The following SCYL3 variants were observed in gnomAD, a reference collection of about 807,000 sequenced individuals.
SCYL3 encodes protein-associating with the carboxyl-terminal domain of ezrin.
In SCYL3, 35 loss-of-function variants were observed where a neutral mutation model predicts 73.8. The ratio of observed to expected loss-of-function variants is 0.47; its 90% CI spans 0.36 to 0.63. SCYL3 has a LOEUF of 0.63. SCYL3 is among the 20% of genes least tolerant of loss of function. SCYL3 has a pLI of 0.00. For synonymous variants in SCYL3, 277 were observed against 295.2 expected (o/e 0.94, Z 0.63); for missense variants, 712 against 798.9 (o/e 0.89, Z 1.31).
intron 3 of SCYL3, among the ~76,000 whole-genome samples, chr1:169,876,958 TAAAAAA>T (rs61051062): frequency 3.9e-5 from 3 of 76,394 alleles, no homozygotes; most frequent in Admixed American, 2.0e-4. Context: ...TTGTCTCAAA[TAAAAAA>T]AAAAAAAAAA....
chr1:169,866,590 A>G (rs1026165503), intron 8 of SCYL3, among the ~76,000 whole-genome samples: 1 of 152,136 alleles, frequency 6.6e-6, no homozygotes, highest in African/African-American at 2.4e-5. Context: ...GCATTTGTTC[A>G]TGTTGCCCCT....
intron 5 of SCYL3, among the ~76,000 whole-genome samples, chr1:169,870,818 G>T (rs903273321): frequency 3.3e-5 from 5 of 151,246 alleles, no homozygotes; most frequent in African/African-American, 1.2e-4. Context: ...GCAAATCACC[G>T]ATTTTAAAAA....
chr1:169,863,446 T>C (rs1351780389), intron 9 of SCYL3, among the ~76,000 whole-genome samples: 1 of 152,228 alleles, frequency 6.6e-6, no homozygotes, highest in African/African-American at 2.4e-5. Flanking sequence ...GATATTGTTG[T>C]AGTTTTATTT....
rs73024224 is a variant in SCYL3 at position 169,861,255 on chromosome 1, G to A, written c.1140+1358C>T. Among the ~76,000 whole-genome samples, 1,502 of 152,170 alleles carry A rather than the reference G, an allele frequency of 9.9e-3. 26 individuals are homozygous for A. Among genetic ancestry groups the A allele is most frequent in the African/African-American group, 0.034 (1,422 of 41,504 alleles). On this transcript the variant is annotated intron_variant, in intron 10 of 12. Coordinates refer to ENST00000367771, the MANE Select transcript of SCYL3 (RefSeq NM_020423.7). ...GCCTGGGCTTTTTCCAACTCTAACC[G>A]AGAGAATGAGGCAAAAATGACTGTC...
Position 169,878,690 on chromosome 1 carries a change from C to G in SCYL3, c.295G>C (p.Glu99Gln), listed in dbSNP as rs1418065424. 6.2e-7 allele frequency: 1 copy of G among 1,614,016 alleles called. No homozygotes were observed. The highest frequency in any genetic ancestry group is 8.5e-7 in the Non-Finnish European group (1 of 1,179,974). The part of the protein sequence containing the change: ...EVALETLSSA[E>Q]VCAGIYDILL... Reference sequence around the variant, plus strand: ...ATGTCATAGATCCCAGCACAGACCTCTGCAGAAGACAATGTTTCCAAAGCC... The same window carrying G: ...ATGTCATAGATCCCAGCACAGACCTGTGCAGAAGACAATGTTTCCAAAGCC... Residue 99 changes from glutamate to glutamine, a missense_variant, in exon 3 of 13, where the codon GAG (glutamate) becomes CAG (glutamine). Glu to Gln is a conservative substitution (Grantham distance 29, BLOSUM62 2). Transcript: ENST00000367771.
At position 169,872,421 on chromosome 1, in the gene SCYL3, A is replaced by C. The variant is rs1296008707; in HGVS notation, c.522+1275T>G. Among the ~76,000 whole-genome samples, 4 of 152,230 alleles carry C rather than the reference A, an allele frequency of 2.6e-5. 1 individual carries two copies. The highest frequency in any genetic ancestry group is 2.0e-4 in the Admixed American group (3 of 15,292). ...TGGAAATGCCTGGATGCCCAGGCAG[A>C]ATTTGCTGCATGGGCAGGGCCCTTA... On this transcript the variant is annotated intron_variant, in intron 5 of 12. Coordinates refer to ENST00000367771, the MANE Select transcript of SCYL3 (RefSeq NM_020423.7).
Position 169,876,070 on chromosome 1 carries a change from CATT to C in SCYL3, c.370_372del (p.Asn124del). 2 of 1,601,926 alleles carry C rather than the reference CATT, an allele frequency of 1.2e-6. No individual in the cohort carries two copies. Among genetic ancestry groups the C allele is most frequent in the Non-Finnish European group, 1.7e-6 (2 of 1,174,242 alleles). ...CTCACAAACACAGATGATAAACAGA[CATT>C]ATTGTGTGTTAGGTGTCCCTGGAAA... On this transcript the variant is annotated inframe_deletion, in exon 4 of 13. Transcript: ENST00000367771.
chr1:169,852,091 T>G lies in SCYL3; in HGVS notation c.*1622A>C. 1 of 1,022,076 alleles carries G rather than the reference T, an allele frequency of 9.8e-7. No homozygotes were observed. The highest frequency in any genetic ancestry group is 1.5e-6 in the Non-Finnish European group (1 of 686,068). The allele number at this position is 1,022,076 out of a possible 1,614,324, so 63.3% of individuals were successfully genotyped here. ...AAAATTCTGTTTTATGGTAGTTGCT[T>G]TTAAAATTAAGAAGTGGGACTACAC... On this transcript the variant is annotated 3_prime_UTR_variant, in exon 13 of 13. Coordinates refer to ENST00000367771, the MANE Select transcript of SCYL3 (RefSeq NM_020423.7).
intron 8 of SCYL3, among the ~76,000 whole-genome samples, chr1:169,866,137 A>T (rs1426945511): frequency 1.3e-5 from 2 of 152,248 alleles, no homozygotes; most frequent in African/African-American, 4.8e-5. Context: ...CTGAAGTCAT[A>T]ATTTTCCCTG....
At position 169,854,967 on chromosome 1, in the gene SCYL3, G is replaced by A. The variant is rs1256094781; in HGVS notation, c.1313-3C>T. On this transcript the variant is annotated splice_polypyrimidine_tract_variant and splice_region_variant and intron_variant, in intron 11 of 12. Coordinates refer to ENST00000367771, the MANE Select transcript of SCYL3 (RefSeq NM_020423.7). ...AATAGGCTGAGAAAATGGATCGCCT[G>A]TAGGGAAAATAATTATTCTCATAAA... 1 of 1,575,712 alleles carries A rather than the reference G, an allele frequency of 6.3e-7. No homozygotes were observed. Among genetic ancestry groups the A allele is most frequent in the Admixed American group, 1.8e-5 (1 of 55,702 alleles).
At chr1:169,882,853 T>C (rs954486932) in intron 2 of SCYL3, among the ~76,000 whole-genome samples, 3 of 152,058 alleles carry the variant, frequency 2.0e-5, no homozygotes, top group Admixed American at 2.0e-4. Flanking sequence ...ATCAGCGCCC[T>C]GTCAAAACAG....
chr1:169,868,017 T>G (rs1183576811), intron 7 of SCYL3, among the ~76,000 whole-genome samples: 1 of 152,154 alleles, frequency 6.6e-6, no homozygotes, highest in Non-Finnish European at 1.5e-5. Context: ...AATATAAAAT[T>G]TGTATTTGTC....
At position 169,854,474 on chromosome 1, in the gene SCYL3, T is replaced by C; in HGVS notation, c.1803A>G (p.Leu601=). The change falls in exon 12 of 13, where the codon TTA becomes TTG. Residue 601 remains leucine (L), a synonymous_variant. Coordinates refer to ENST00000367771, the MANE Select transcript of SCYL3 (RefSeq NM_020423.7). ...TTACTTGAATGGTGAATTCCTCTCC[T>C]AAACCAAGTTCTGATGGAACCTTAA... The part of the protein sequence containing the change: ...RPLKVPSELG[L]GEEFTIQVKK... 1.2e-6 allele frequency: 2 copies of C among 1,614,134 alleles called. No individual in the cohort carries two copies. Among genetic ancestry groups the C allele is most frequent in the Non-Finnish European group, 1.7e-6 (2 of 1,179,990 alleles).
intron 10 of SCYL3, among the ~76,000 whole-genome samples, chr1:169,860,233 G>C (rs1317550448): frequency 6.6e-6 from 1 of 152,218 alleles, no homozygotes; most frequent in Non-Finnish European, 1.5e-5. Context: ...TTCCATCTAA[G>C]TTAGTCTAAC....
rs1657910353 is a variant in SCYL3 at position 169,850,056 on chromosome 1, G to A, written c.*3657C>T. 2 of 563,622 alleles carry A rather than the reference G, an allele frequency of 3.5e-6. No homozygotes were observed. Among genetic ancestry groups the A allele is most frequent in the Non-Finnish European group, 3.2e-6 (1 of 316,692 alleles). 34.9% of individuals were successfully genotyped at this position (563,622 alleles called of 1,614,324 possible). A position where few individuals can be genotyped will look rare whatever the true frequency, so the allele number is the denominator to read the frequency against. On this transcript the variant is annotated 3_prime_UTR_variant, in exon 13 of 13. Transcript: ENST00000367771. ...GAAGCATTAGTATGACCCAGCAGAA[G>A]TAATTAAAGCTTACAACACTTGTAC...
Position 169,876,022 on chromosome 1 carries a change from C to T in SCYL3, c.421G>A (p.Gly141Arg), listed in dbSNP as rs748797702. 4 of 1,612,378 alleles carry T rather than the reference C, an allele frequency of 2.5e-6. No homozygotes were observed. Among genetic ancestry groups the T allele is most frequent in the Non-Finnish European group, 2.5e-6 (3 of 1,179,352 alleles). The change falls in exon 4 of 13, where the codon GGA becomes AGA. Residue 141 changes from glycine (G) to arginine (R), a missense_variant. Around this residue, in one of 2 missense-constraint regions of SCYL3, gnomAD observed 342 missense variants for 448.1 expected, o/e 0.76. Coordinates refer to ENST00000367771, the MANE Select transcript of SCYL3 (RefSeq NM_020423.7). Reference sequence around the variant, plus strand: ...ACTTTACAAACAGTTTCCATTCCTCCTAGCTTCCAGTGTCCATCTTCACTC... The same window carrying T: ...ACTTTACAAACAGTTTCCATTCCTCTTAGCTTCCAGTGTCCATCTTCACTC... ...FVSEDGHWKL[G>R]GMETVCKVSQ...
chr1:169,877,028 TGTAAAAATA>T (rs1660895956), intron 3 of SCYL3, among the ~76,000 whole-genome samples: 1 of 144,406 alleles, frequency 6.9e-6, no homozygotes, highest in Non-Finnish European at 1.5e-5. Flanking sequence ...ATTTTAAAAC[TGTAAAAATA>T]GTACAGTCAA....
At chr1:169,861,986 T>C (rs1224532302) in intron 10 of SCYL3, among the ~76,000 whole-genome samples, 1 of 152,172 alleles carries the variant, frequency 6.6e-6, no homozygotes, top group Non-Finnish European at 1.5e-5. Flanking sequence ...ATACCAAGGA[T>C]TGCTGGGAGC....
intron 8 of SCYL3, 100 bp from the exon 9 acceptor site, chr1:169,864,608 A>G (rs1659896214): frequency 1.7e-6 from 2 of 1,196,816 alleles, no homozygotes; most frequent in Non-Finnish European, 1.2e-6. Flanking sequence ...ACTTCTATCA[A>G]AGTGATGCAT....
Sources: gnomAD v4.1 joint callset for allele counts (sites outside exome capture counted in the v4.1 genomes callset) on GRCh38, gnomAD v4.1.1 for gene constraint, gnomAD v4.1.1 regional missense constraint, MANE v1.5 for transcripts, NCBI Gene and HGNC (gene_info 2026-07-23, HGNC 2026-07-21) for gene names.